Variants in ZNF831 observed in about 807,000 individuals in gnomAD.
ZNF831 encodes the protein chromosome 20 open reading frame 174.
Under a neutral mutation model 95.8 loss-of-function variants are expected in ZNF831, and 59 were observed. The observed-to-expected ratio is 0.62, with a 90% CI of 0.50 to 0.77. The LOEUF is 0.77. Among genes scored for constraint, ZNF831 ranks in the 30% least tolerant of loss-of-function variants. ZNF831 has a pLI of 0.00. For synonymous variants in ZNF831, 961 were observed against 925.5 expected, an observed-to-expected ratio of 1.04 and a Z score of -0.70; for missense variants, 2,205 against 2,164.0, an observed-to-expected ratio of 1.02 and a Z score of -0.38.
At chr20:59,177,369 G>T (rs1982249703) in intron 1 of ZNF831, among the ~76,000 whole-genome samples, 1 of 152,188 alleles carries the variant, frequency 6.6e-6, no homozygotes, top group South Asian at 2.1e-4. Context: ...GCGTCTGTGG[G>T]TGCAGTTCCT....
intron 4 of ZNF831, among the ~76,000 whole-genome samples, chr20:59,213,280 C>T (rs1388858605): frequency 2.6e-5 from 4 of 152,296 alleles, no homozygotes; most frequent in East Asian, 3.9e-4. Flanking sequence ...TTATAACCTC[C>T]AAAATGGAGG....
chr20:59,161,776 C>A (rs1980884930), upstream of ZNF831, among the ~76,000 whole-genome samples: 1 of 152,056 alleles, frequency 6.6e-6, no homozygotes, highest in South Asian at 2.1e-4. Context: ...GGGTAGATAC[C>A]CAGTAATGAG....
At chr20:59,137,367 T>G (rs1979542149) in intron 1 of ZNF831, among the ~76,000 whole-genome samples, 1 of 152,138 alleles carries the variant, frequency 6.6e-6, no homozygotes. Context: ...AATCAGTCTC[T>G]ATTTCTGTTC....
chr20:59,125,384 C>T (rs186518074), intron 1 of ZNF831, among the ~76,000 whole-genome samples: 31 of 152,314 alleles, frequency 2.0e-4, no homozygotes, highest in African/African-American at 7.2e-4. Flanking sequence ...CCTGCTCCTC[C>T]AAGTGGCCCC....
At chr20:59,201,247 C>CT (rs1188264375) in intron 3 of ZNF831, among the ~76,000 whole-genome samples, 1 of 152,118 alleles carries the variant, frequency 6.6e-6, no homozygotes, top group African/African-American at 2.4e-5. Context: ...TATTCAGCAT[C>CT]TTTTTTTGTG....
chr20:59,202,645 G>T (rs1458234928), intron 3 of ZNF831, among the ~76,000 whole-genome samples: 1 of 152,140 alleles, frequency 6.6e-6, no homozygotes, highest in Non-Finnish European at 1.5e-5. Flanking sequence ...CATACTGAGA[G>T]TATGCCTTTC....
At chr20:59,232,740 T>G (rs1227885836) in intron 4 of ZNF831, among the ~76,000 whole-genome samples, 1 of 152,130 alleles carries the variant, frequency 6.6e-6, no homozygotes, top group African/African-American at 2.4e-5. Flanking sequence ...AAACTGATGA[T>G]CATGGCAGAT....
chr20:59,192,270 G>C lies in ZNF831; in HGVS notation c.1251G>C (p.Ala417=), dbSNP rs751399552. ...RIAQLISHNQ[A]VVDDAQLDNV... is the part of the protein sequence containing the mutation. Reference sequence around the variant, plus strand: ...CCCAGCTCATCTCCCACAACCAGGCGGTGGTGGACGATGCCCAGCTGGACA... The same window carrying C: ...CCCAGCTCATCTCCCACAACCAGGCCGTGGTGGACGATGCCCAGCTGGACA... The change falls in exon 2 of 6, where the codon GCG becomes GCC. Residue 417 remains alanine, a synonymous_variant. Coordinates refer to ENST00000371030, the MANE Select transcript of ZNF831 (RefSeq NM_178457.3). The surrounding 1 kb of genome is among the most constrained non-coding windows in gnomAD (Gnocchi z 5.2). 6.3e-7 allele frequency: 1 copy of C among 1,589,924 alleles called. No individual in the cohort carries two copies. Among genetic ancestry groups the C allele is most frequent in the Admixed American group, 1.8e-5 (1 of 57,028 alleles).
At chr20:59,209,886 A>G (rs1985172391) in intron 4 of ZNF831, among the ~76,000 whole-genome samples, 6 of 152,140 alleles carry the variant, frequency 3.9e-5, no homozygotes, top group Admixed American at 1.3e-4. Flanking sequence ...TCTTTCTCTT[A>G]TAAAGACACT....
intron 4 of ZNF831, among the ~76,000 whole-genome samples, chr20:59,245,897 A>G (rs1040679705): frequency 2.6e-5 from 4 of 152,246 alleles, no homozygotes; most frequent in Non-Finnish European, 4.4e-5. Flanking sequence ...TGGAGAGACA[A>G]CGGTGATTAC....
At chr20:59,178,978 G>C (rs115205175) in intron 1 of ZNF831, among the ~76,000 whole-genome samples, 1 of 152,058 alleles carries the variant, frequency 6.6e-6, no homozygotes. Context: ...CCCATATGTC[G>C]TGTCCTTTTA....
In ZNF831 at chr20:59,192,295, A is replaced by C. The variant is rs1983636591; in HGVS notation, c.1276A>C (p.Asn426His). 1.9e-6 allele frequency: 3 copies of C among 1,589,670 alleles called. No individual in the cohort carries two copies. The highest frequency in any genetic ancestry group is 1.7e-5 in the Admixed American group (1 of 57,380). The change falls in exon 2 of 6, where the codon AAC (asparagine) becomes CAC (histidine). Residue 426 changes from asparagine (N) to histidine (H), a missense_variant. Physicochemically the swap from Asn to His is moderately conservative, Grantham distance 68. Coordinates refer to ENST00000371030, the MANE Select transcript of ZNF831 (RefSeq NM_178457.3). This position sits in a 1 kb window ranked among gnomAD's most constrained non-coding sequence, Gnocchi z 5.2. ...QAVVDDAQLD[N>H]VRPRKTGLSK... The stretch of plus-strand genomic sequence containing the variant: ...GGTGGTGGACGATGCCCAGCTGGAC[A>C]ACGTGCGGCCCCGGAAGACCGGGCT...
chr20:59,206,769 G>A, intron 3 of ZNF831, 136 bp from the exon 4 acceptor site: 1 of 880,386 alleles, frequency 1.1e-6, no homozygotes, highest in Non-Finnish European at 1.8e-6. Context: ...GGAGGGATCA[G>A]GAGTTGCTCA....
Position 59,191,646 on chromosome 20 carries a change from CG to C in ZNF831, c.632del (p.Gly211AlafsTer51). 1.3e-6 allele frequency: 2 copies of C among 1,564,194 alleles called. No individual in the cohort carries two copies. Among genetic ancestry groups the C allele is most frequent in the Non-Finnish European group, 1.7e-6 (2 of 1,154,716 alleles). ...SRLSSESEGA[G>X]GGLLEEGDKA... ...GGCTGTCCTCAGAGTCCGAGGGCGC[CG>C]GGGGCGGCCTCCTGGAGGAAGGGGA... On this transcript the variant is annotated frameshift_variant, in exon 2 of 6. Coordinates refer to ENST00000371030, the MANE Select transcript of ZNF831 (RefSeq NM_178457.3). LOFTEE classifies it high-confidence loss of function.
At chr20:59,243,780 A>C (rs1348875547) in intron 4 of ZNF831, among the ~76,000 whole-genome samples, 2 of 152,250 alleles carry the variant, frequency 1.3e-5, no homozygotes, top group Non-Finnish European at 2.9e-5. Flanking sequence ...ATCTTAAGAA[A>C]TGATGAGGCA....
chr20:59,136,824 G>A (rs1979525731), intron 1 of ZNF831, among the ~76,000 whole-genome samples: 1 of 152,142 alleles, frequency 6.6e-6, no homozygotes, highest in Non-Finnish European at 1.5e-5. Context: ...TGGGCACGTG[G>A]TTACCCGGAA....
At chr20:59,142,715 C>A (rs977224488) in intron 1 of ZNF831, among the ~76,000 whole-genome samples, 1 of 152,144 alleles carries the variant, frequency 6.6e-6, no homozygotes, top group South Asian at 2.1e-4. Flanking sequence ...TTTCATAGTG[C>A]TTTTCTGTTT....
Position 59,254,742 on chromosome 20 carries a change from GA to G in ZNF831, c.*1del. On this transcript the variant is annotated frameshift_variant and stop_lost, in exon 6 of 6. Transcript: ENST00000371030. LOFTEE classifies it high-confidence loss of function. The surrounding 1 kb of genome is among the most constrained non-coding windows in gnomAD (Gnocchi z 4.5). ...GAAGACCGATTAGTTATAGAAATAT[GA>G]AGCTTCCAGAGAAACATGGTGTCTG... is the stretch of plus-strand genomic sequence containing the variant. Reference protein sequence around the residue: ...DDEDRLVIEI* With the variant: ...DDEDRLVIEIX 1 of 1,583,832 alleles carries G rather than the reference GA, an allele frequency of 6.3e-7. No individual in the cohort carries two copies. Among genetic ancestry groups the G allele is most frequent in the Non-Finnish European group, 8.5e-7 (1 of 1,169,780 alleles).
intron 4 of ZNF831, among the ~76,000 whole-genome samples, chr20:59,233,513 G>GA (rs1986850047): frequency 1.3e-5 from 2 of 152,054 alleles, no homozygotes; most frequent in African/African-American, 2.4e-5. Context: ...ACACACACAA[G>GA]AAAAAACCTC....
Sources: gnomAD v4.1 joint callset for allele counts (sites outside exome capture counted in the v4.1 genomes callset) on GRCh38, gnomAD v4.1.1 for gene constraint, Gnocchi (gnomAD v3.1) non-coding constraint, MANE v1.5 for transcripts, NCBI Gene and HGNC (gene_info 2026-07-23, HGNC 2026-07-21) for gene names.